Variants in NR1I2 observed in about 807,000 individuals in gnomAD.
NR1I2 encodes the protein nuclear receptor subfamily 1 group I member 2.
A neutral mutation model predicts 43.3 loss-of-function variants in NR1I2; 42 were observed. That is an observed-to-expected ratio of 0.97 (90% CI 0.76 to 1.26). The LOEUF (loss-of-function observed/expected upper bound fraction) is 1.26, where lower values mean the gene tolerates loss of function less well. NR1I2 is among the 50% of genes most tolerant of loss of function. The pLI is 0.00. For missense variants in NR1I2, 559 were observed against 566.7 expected (o/e 0.99, Z 0.14); for synonymous variants, 229 against 215.0 (o/e 1.06, Z -0.57).
At chr3:119,802,585 T>C (rs1183149388) in intron 1 of NR1I2, among the ~76,000 whole-genome samples, 1 of 152,314 alleles carries the variant, frequency 6.6e-6, no homozygotes, top group East Asian at 1.9e-4. Flanking sequence ...GGTGCTGCTA[T>C]CCCTCATGGC....
chr3:119,784,060 A>G (rs905609135), intron 1 of NR1I2, among the ~76,000 whole-genome samples: 6 of 152,208 alleles, frequency 3.9e-5, no homozygotes, highest in African/African-American at 1.4e-4. Flanking sequence ...ATGTGCACGT[A>G]TTGCACTAGA....
chr3:119,812,022 T>G (rs2055251041), intron 4 of NR1I2, among the ~76,000 whole-genome samples: 1 of 152,180 alleles, frequency 6.6e-6, no homozygotes, highest in Admixed American at 6.5e-5. Context: ...GTGATTCTGT[T>G]GCAGGTTCAG....
At chr3:119,804,274 C>T (rs1167376626) in intron 1 of NR1I2, among the ~76,000 whole-genome samples, 1 of 150,218 alleles carries the variant, frequency 6.7e-6, no homozygotes, top group African/African-American at 2.4e-5. Context: ...ACTCGGGAGG[C>T]TGAGGCAGGA....
At chr3:119,798,324 G>T (rs886369832) in intron 1 of NR1I2, among the ~76,000 whole-genome samples, 1 of 152,108 alleles carries the variant, frequency 6.6e-6, no homozygotes, top group Non-Finnish European at 1.5e-5. Flanking sequence ...CCAATGAGTT[G>T]TCAGTTTCAG....
At chr3:119,809,976 G>T in intron 2 of NR1I2, 85 bp from the exon 3 acceptor site, 1 of 1,568,024 alleles carries the variant, frequency 6.4e-7, no homozygotes, top group East Asian at 2.3e-5. Flanking sequence ...GTAGGGGCTG[G>T]GGAGGGAGGT....
At position 119,817,300 on chromosome 3, in the gene NR1I2, G is replaced by A; in HGVS notation, c.*88G>A. The A allele has an allele frequency of 6.2e-7, 1 of 1,600,498 alleles. No individual in the cohort carries two copies. Among genetic ancestry groups the A allele is most frequent in the Non-Finnish European group, 8.5e-7 (1 of 1,177,816 alleles). ...TCCCGGGCCAAGACAGATGGACACT[G>A]CCAAGAGCCGACAATGCCCTGCTGG... On this transcript the variant is annotated 3_prime_UTR_variant, in exon 9 of 9. Transcript: ENST00000393716.
intron 5 of NR1I2, 94 bp downstream of exon 5, chr3:119,813,054 T>C: frequency 7.2e-7 from 1 of 1,390,672 alleles, no homozygotes; most frequent in Non-Finnish European, 1.0e-6. Context: ...ATTTGGGGGA[T>C]ATTGGTGTCA....
At chr3:119,793,699 A>T (rs2054952905) in intron 1 of NR1I2, among the ~76,000 whole-genome samples, 1 of 152,124 alleles carries the variant, frequency 6.6e-6, no homozygotes, top group South Asian at 2.1e-4. Flanking sequence ...CACACTCCCC[A>T]TCTCCAGGTT....
Position 119,818,077 on chromosome 3 carries a change from C to T in NR1I2, c.*865C>T. 6 of 985,504 alleles carry T rather than the reference C, an allele frequency of 6.1e-6. No homozygotes were observed. Among genetic ancestry groups the T allele is most frequent in the Non-Finnish European group, 7.2e-6 (6 of 830,004 alleles). 61.0% of individuals were successfully genotyped at this position (985,504 alleles called of 1,614,324 possible). The stretch of plus-strand genomic sequence containing the variant: ...GCACTGGGTACCCAAGTGAAGGTTC[C>T]CAAGGACATGAGTCTGTAGGAGCAA... On this transcript the variant is annotated 3_prime_UTR_variant, in exon 9 of 9. Transcript: ENST00000393716.
At chr3:119,809,362 G>A (rs767131261) in intron 2 of NR1I2, among the ~76,000 whole-genome samples, 2 of 151,996 alleles carry the variant, frequency 1.3e-5, no homozygotes, top group African/African-American at 2.4e-5. Context: ...GTGCGGGCCC[G>A]TGGGTCCCGC....
At chr3:119,786,657 G>C (rs1238962057) in intron 1 of NR1I2, among the ~76,000 whole-genome samples, 1 of 152,190 alleles carries the variant, frequency 6.6e-6, no homozygotes, top group Non-Finnish European at 1.5e-5. Context: ...GCTGGTGCCA[G>C]CTCTCAACCC....
chr3:119,798,169 T>C (rs2055025730), intron 1 of NR1I2, among the ~76,000 whole-genome samples: 1 of 152,240 alleles, frequency 6.6e-6, no homozygotes, highest in South Asian at 2.1e-4. Flanking sequence ...GCTATTTCAC[T>C]GAGTCTCGTG....
chr3:119,807,529 C>T (rs571287985), intron 2 of NR1I2, 82 bp downstream of exon 2: 2 of 1,232,796 alleles, frequency 1.6e-6, no homozygotes, highest in Admixed American at 1.8e-5. Context: ...TGACCTGTCC[C>T]CCAGGTTCAG....
In NR1I2 at chr3:119,812,103, C is replaced by T. The variant is rs938897990; in HGVS notation, c.519+377C>T. 1.3e-4 allele frequency among the ~76,000 whole-genome samples: 20 copies of T among 151,654 alleles called. 1 individual carries two copies. Among genetic ancestry groups the T allele is most frequent in the Non-Finnish European group, 5.9e-5 (4 of 67,862 alleles). ...GTCTAAGCAATAAGTGGAGGGAAAGCTAGGCAGTTCCCCAGTGTTGCTGGC... is the reference window on the plus strand; with the variant it reads ...GTCTAAGCAATAAGTGGAGGGAAAGTTAGGCAGTTCCCCAGTGTTGCTGGC... On this transcript the variant is annotated intron_variant, in intron 4 of 8. Transcript: ENST00000393716.
At chr3:119,798,439 A>G (rs2055028839) in intron 1 of NR1I2, among the ~76,000 whole-genome samples, 1 of 152,158 alleles carries the variant, frequency 6.6e-6, no homozygotes, top group African/African-American at 2.4e-5. Context: ...CTAATCATTT[A>G]AGTGAACAAT....
At position 119,807,350 on chromosome 3, in the gene NR1I2, G is replaced by A. The variant is rs774172261; in HGVS notation, c.100G>A (p.Glu34Lys). 11 of 1,614,234 alleles carry A rather than the reference G, an allele frequency of 6.8e-6. No homozygotes were observed. The highest frequency in any genetic ancestry group is 5.5e-5 in the South Asian group (5 of 91,086). ...AAAGCCCAGTGTCAACGCAGATGAG[G>A]AAGTCGGAGGTCCCCAAATCTGCCG... Residue 34 changes from glutamate (E) to lysine (K), a missense_variant, in exon 2 of 9, where the codon GAA (glutamate) becomes AAA (lysine). Transcript: ENST00000393716.
chr3:119,817,037 AC>A, intron 8 of NR1I2, 30 bp from the exon 9 acceptor site: 2 of 1,613,986 alleles, frequency 1.2e-6, no homozygotes, highest in Non-Finnish European at 1.7e-6. Flanking sequence ...GGCGGGCTGC[AC>A]CCACAATCTT....
In NR1I2 at chr3:119,812,811, G is replaced by T. The variant is rs751651863; in HGVS notation, c.645G>T (p.Leu215=). 1.2e-6 allele frequency: 2 copies of T among 1,614,258 alleles called. No homozygotes were observed. Among genetic ancestry groups the T allele is most frequent in the Non-Finnish European group, 1.7e-6 (2 of 1,180,048 alleles). The change falls in exon 5 of 9, where the codon CTG becomes CTT. Residue 215 remains leucine, a synonymous_variant. Coordinates refer to ENST00000393716, the MANE Select transcript of NR1I2 (RefSeq NM_003889.4). ...GCTCTTTGAAGGTCTCTCTGCAGCT[G>T]CGGGGGGAGGATGGCAGTGTCTGGA... is the stretch of plus-strand genomic sequence containing the variant.
chr3:119,792,306 C>T, intron 1 of NR1I2: 3 of 1,455,808 alleles, frequency 2.1e-6, no homozygotes, highest in Non-Finnish European at 2.9e-6. Flanking sequence ...CACCTTTGGG[C>T]TCATCCTGGA....
Sources: allele counts gnomAD v4.1 joint callset (sites outside exome capture counted in the v4.1 genomes callset), GRCh38; gene constraint gnomAD v4.1.1; transcripts MANE v1.5; gene names NCBI Gene and HGNC (gene_info 2026-07-23, HGNC 2026-07-21).